The following KIF13A variants were observed in gnomAD, a reference collection of about 807,000 sequenced individuals.
The protein encoded by KIF13A is kinesin family member 13A.
KIF13A carries 79 observed loss-of-function variants against 212.2 expected under a neutral mutation model. The ratio of observed to expected loss-of-function variants is 0.37; its 90% CI spans 0.31 to 0.45. KIF13A has a LOEUF of 0.45. Ranked by LOEUF, KIF13A falls within the 20% of genes least tolerant of loss-of-function variation. The pLI is 1.00. For synonymous variants in KIF13A, 789 were observed against 808.6 expected (o/e 0.98, Z 0.41); for missense variants, 1,901 against 2,209.0 (o/e 0.86, Z 2.79).
At chr6:17,759,752 T>A (rs962492428), downstream of KIF13A, 1 of 152,352 alleles carries the variant, frequency 6.6e-6, no homozygotes, top group East Asian at 1.9e-4. Flanking sequence ...GTCCATCTCC[T>A]CAGCATTTTC....
chr6:17,815,907 C>CT (rs57780326), intron 17 of KIF13A, among the ~76,000 whole-genome samples: 53,279 of 130,440 alleles, frequency 0.41, 11,377 homozygotes, highest in East Asian at 0.61. Context: ...TAGTCAGGTT[C>CT]TTTTTTTTTT....
rs777553322 is a variant in KIF13A, at chr6:17,831,119, A to C, written c.1383T>G (p.Leu461=). Residue 461 remains leucine (L), a synonymous_variant, in exon 13 of 39, where the codon CTT becomes CTG. Transcript: ENST00000259711. The stretch of plus-strand genomic sequence containing the variant: ...CTCCTACCTTTAAATAATAAACCAG[A>C]AGTTCGTTAAGAGCAGGGTCTGCAT... The part of the protein sequence containing the change: ...NLNADPALNE[L]LVYYLKDHTR... 1.2e-6 allele frequency: 2 copies of C among 1,612,482 alleles called. No individual in the cohort carries two copies. The highest frequency in any genetic ancestry group is 1.7e-6 in the Non-Finnish European group (2 of 1,179,446).
chr6:17,969,400 AATTAT>A (rs1382420624), intron 2 of KIF13A, among the ~76,000 whole-genome samples: 7 of 152,196 alleles, frequency 4.6e-5, no homozygotes, highest in African/African-American at 1.7e-4. Flanking sequence ...TGTACTACTT[AATTAT>A]ATTTATATTA....
At chr6:17,929,592 G>C (rs1311193080) in intron 2 of KIF13A, among the ~76,000 whole-genome samples, 1 of 152,082 alleles carries the variant, frequency 6.6e-6, no homozygotes, top group African/African-American at 2.4e-5. Flanking sequence ...AGTAGAGACG[G>C]GGTTTCACCG....
At chr6:17,974,923 G>A (rs546612260) in intron 2 of KIF13A, among the ~76,000 whole-genome samples, 36 of 152,278 alleles carry the variant, frequency 2.4e-4, no homozygotes, top group African/African-American at 8.2e-4. Flanking sequence ...CTACCACATT[G>A]GACAGTGAAG....
At chr6:17,937,072 C>T (rs564849170) in intron 2 of KIF13A, among the ~76,000 whole-genome samples, 1 of 152,142 alleles carries the variant, frequency 6.6e-6, no homozygotes, top group Non-Finnish European at 1.5e-5. Flanking sequence ...CAGCTACTTG[C>T]AGACTGATGT....
intron 2 of KIF13A, among the ~76,000 whole-genome samples, chr6:17,922,557 G>C (rs1268359972): frequency 6.7e-6 from 1 of 149,154 alleles, no homozygotes; most frequent in Non-Finnish European, 1.5e-5. Flanking sequence ...TCACCAAAAA[G>C]GGCAAAACTA....
rs943798055 is a variant in KIF13A, at chr6:17,809,188, T to C, written c.2001-258A>G. Reference sequence around the variant, plus strand: ...TATGTAACACGTGAAAACGATCAGATTGTGATAGGAGGATGCAAAAAACCA... The same window carrying C: ...TATGTAACACGTGAAAACGATCAGACTGTGATAGGAGGATGCAAAAAACCA... On this transcript the variant is annotated intron_variant, in intron 17 of 38. Coordinates refer to ENST00000259711, the MANE Select transcript of KIF13A (RefSeq NM_022113.6). This position sits in a 1 kb window ranked among gnomAD's most constrained non-coding sequence, Gnocchi z 4.7. Among the ~76,000 whole-genome samples the C allele has an allele frequency of 4.6e-5, 7 of 152,088 alleles. No homozygotes were observed. Among genetic ancestry groups the C allele is most frequent in the South Asian group, 2.1e-4 (1 of 4,826 alleles).
At position 17,836,880 on chromosome 6, in the gene KIF13A, C is replaced by T. The variant is rs771562734; in HGVS notation, c.1153G>A (p.Glu385Lys). 3.7e-6 allele frequency: 6 copies of T among 1,613,716 alleles called. No homozygotes were observed. In the South Asian group the frequency reaches 5.5e-5, roughly 15 times the overall value. ...AGGGAGTACCAGGCTGCTTTTACCT[C>T]TGCCTGAGAGAGCTGCTCTCTCAGT... ...EKLREQLSQAEAMKAPELKEK... is the reference protein window; with the variant it reads ...EKLREQLSQAKAMKAPELKEK... The change falls in exon 11 of 39, where the codon GAG becomes AAG. Residue 385 changes from glutamate to lysine, a missense_variant and splice_region_variant. This residue lies in a region of KIF13A where 506 missense variants were observed against 637.4 expected (regional missense o/e 0.79). Transcript: ENST00000259711.
rs1016242800 is a variant in KIF13A at position 17,872,680 on chromosome 6, G to A, written c.220+697C>T. 6.6e-6 allele frequency among the ~76,000 whole-genome samples: 1 copy of A among 151,986 alleles called. No homozygotes were observed. Among genetic ancestry groups the A allele is most frequent in the Non-Finnish European group, 1.5e-5 (1 of 68,008 alleles). ...TTTTTTTGAGACAGAGTCTCACTCG[G>A]TCACCTAGGCTGTGGTGGGACCTCG... On this transcript the variant is annotated intron_variant, in intron 4 of 38. Transcript: ENST00000259711. This position sits in a 1 kb window ranked among gnomAD's most constrained non-coding sequence, Gnocchi z 4.7.
chr6:17,759,883 C>T (rs1758510433), downstream of KIF13A: 1 of 149,274 alleles, frequency 6.7e-6, no homozygotes. Context: ...CACCCCACCA[C>T]TACTCCTGGC....
At chr6:17,806,654 T>G (rs1030288230) in intron 18 of KIF13A, among the ~76,000 whole-genome samples, 3 of 151,986 alleles carry the variant, frequency 2.0e-5, no homozygotes, top group African/African-American at 7.2e-5. Flanking sequence ...CCAAGGTGGG[T>G]GGATCACCTG....
chr6:17,765,276 T>A (rs540891135), intron 38 of KIF13A, among the ~76,000 whole-genome samples: 1 of 152,330 alleles, frequency 6.6e-6, no homozygotes, highest in Admixed American at 6.5e-5. Context: ...TGTTAGTTAT[T>A]CAAAATTAGC....
chr6:17,869,616 C>G (rs1379067019), intron 4 of KIF13A, among the ~76,000 whole-genome samples: 1 of 128,882 alleles, frequency 7.8e-6, no homozygotes, highest in Non-Finnish European at 1.6e-5. Flanking sequence ...CTGCTCCAAC[C>G]AACCCACTAC....
chr6:17,799,845 A>G lies in KIF13A; in HGVS notation c.2616+107T>C. ...TCCACCACTGTATCTGCTGTTACAA[A>G]ATCCAACTTTTACTACCCTGGATGA... On this transcript the variant is annotated intron_variant, in intron 21 of 38. Transcript: ENST00000259711. The surrounding 1 kb of genome is among the most constrained non-coding windows in gnomAD (Gnocchi z 4.4). 1 of 1,305,524 alleles carries G rather than the reference A, an allele frequency of 7.7e-7. No individual in the cohort carries two copies. Among genetic ancestry groups the G allele is most frequent in the Non-Finnish European group, 1.1e-6 (1 of 935,668 alleles). The allele number at this position is 1,305,524 out of a possible 1,614,324, so 80.9% of individuals were successfully genotyped here.
chr6:17,959,750 G>A (rs536816409), intron 2 of KIF13A, among the ~76,000 whole-genome samples: 19 of 152,306 alleles, frequency 1.2e-4, no homozygotes, highest in South Asian at 8.3e-4. Flanking sequence ...TCGGCTGGGC[G>A]CAGTGGCTCA....
Position 17,771,065 on chromosome 6 carries a change from C to T in KIF13A, c.4581+49G>A, listed in dbSNP as rs1481059612. On this transcript the variant is annotated intron_variant, in intron 38 of 38. Transcript: ENST00000259711. The surrounding 1 kb of genome is among the most constrained non-coding windows in gnomAD (Gnocchi z 5.4). ...ATTTGGATGATTGTCTGTGAAAGGG[C>T]CTTAAACCCACCACCAGGCAATATG... 8.2e-7 allele frequency: 1 copy of T among 1,222,086 alleles called. No individual in the cohort carries two copies. The allele number at this position is 1,222,086 out of a possible 1,614,324, so 75.7% of individuals were successfully genotyped here.
chr6:17,866,524 G>A (rs896973605), intron 4 of KIF13A, among the ~76,000 whole-genome samples: 4 of 152,002 alleles, frequency 2.6e-5, no homozygotes, highest in African/African-American at 7.3e-5. Context: ...GCAGGGCTTC[G>A]CTAAACCTCA....
intron 3 of KIF13A, among the ~76,000 whole-genome samples, chr6:17,874,959 T>TTTTTTTTTTTTTTGAGACGGA (rs1228014189): frequency 7.2e-6 from 1 of 139,692 alleles, no homozygotes; most frequent in Non-Finnish European, 1.6e-5. Context: ...TTCCTTTTTA[T>TTTTTTTTTTTTTTGAGACGGA]GGCTAAGTAG....
Sources: gnomAD v4.1 joint callset for allele counts (sites outside exome capture counted in the v4.1 genomes callset) on GRCh38, gnomAD v4.1.1 for gene constraint, gnomAD v4.1.1 regional missense constraint, Gnocchi (gnomAD v3.1) non-coding constraint, MANE v1.5 for transcripts, NCBI Gene and HGNC (gene_info 2026-07-23, HGNC 2026-07-21) for gene names.